GSE1: variants seen among roughly 807,000 people sequenced by gnomAD.
The protein encoded by GSE1 is Gse1 coiled-coil protein.
In GSE1, 32 loss-of-function variants were observed where a neutral mutation model predicts 112.6. The observed-to-expected ratio is 0.28, with a 90% CI of 0.21 to 0.38. The LOEUF (loss-of-function observed/expected upper bound fraction) is 0.38, where lower values mean the gene tolerates loss of function less well. Among genes scored for constraint, GSE1 ranks in the 10% least tolerant of loss-of-function variants. GSE1 has a pLI of 1.00. For synonymous variants in GSE1, 1,115 were observed against 735.6 expected (o/e 1.52, Z -8.35); for missense variants, 2,348 against 1,699.2 (o/e 1.38, Z -6.71).
intron 2 of GSE1, among the ~76,000 whole-genome samples, chr16:85,358,322 TGTG>T (rs1031160439): frequency 2.6e-5 from 4 of 152,204 alleles, no homozygotes; most frequent in African/African-American, 9.7e-5. Flanking sequence ...GGCTTGGACA[TGTG>T]GTGACCCCCA....
intron 2 of GSE1, among the ~76,000 whole-genome samples, chr16:85,361,911 A>C (rs757716287): frequency 2.6e-5 from 4 of 152,018 alleles, no homozygotes; most frequent in Non-Finnish European, 5.9e-5. Flanking sequence ...CTACGGTCGG[A>C]TAGGGCCACT....
intron 2 of GSE1, among the ~76,000 whole-genome samples, chr16:85,534,636 G>A (rs1378996030): frequency 6.6e-6 from 1 of 152,144 alleles, no homozygotes; most frequent in South Asian, 2.1e-4. Flanking sequence ...GCAGACTCCT[G>A]GGTCGTGTCC....
At chr16:85,214,647 A>G (rs2143688769) in intron 1 of GSE1, among the ~76,000 whole-genome samples, 1 of 152,084 alleles carries the variant, frequency 6.6e-6, no homozygotes, top group East Asian at 1.9e-4. Flanking sequence ...TTGAGACAGT[A>G]ATACCCGGGC....
intron 1 of GSE1, among the ~76,000 whole-genome samples, chr16:85,561,279 A>G (rs1412013878): frequency 6.6e-6 from 1 of 152,090 alleles, no homozygotes; most frequent in African/African-American, 2.4e-5. Context: ...TGAGGTACAG[A>G]GAGATTGAGG....
intron 14 of GSE1, 75 bp downstream of exon 14, chr16:85,668,499 A>T: frequency 2.0e-6 from 2 of 1,003,566 alleles, no homozygotes; most frequent in Non-Finnish European, 1.5e-6. Context: ...TGATGAGTTC[A>T]TGCAGACCTC....
At chr16:85,649,495 T>C (rs1193078173) in intron 3 of GSE1, among the ~76,000 whole-genome samples, 1 of 152,230 alleles carries the variant, frequency 6.6e-6, no homozygotes, top group Non-Finnish European at 1.5e-5. Flanking sequence ...CCCCAAGTTT[T>C]CGGGGCTCCT....
intron 1 of GSE1, chr16:85,593,941 C>G (rs1016397128): frequency 6.6e-6 from 1 of 151,470 alleles, no homozygotes; most frequent in Non-Finnish European, 1.5e-5. Context: ...TGGAGGGGCT[C>G]GGAAGCAGTG....
At chr16:85,641,569 C>T (rs950165721) in intron 2 of GSE1, among the ~76,000 whole-genome samples, 4 of 152,268 alleles carry the variant, frequency 2.6e-5, no homozygotes, top group Non-Finnish European at 4.4e-5. Flanking sequence ...GGGGTCGCGG[C>T]GTGACTTCAG....
chr16:85,660,064 ACTGCCCTGTGAAGGTGGCCAGC>A (rs1295881536), intron 8 of GSE1, among the ~76,000 whole-genome samples: 1 of 152,206 alleles, frequency 6.6e-6, no homozygotes, highest in Non-Finnish European at 1.5e-5. Context: ...AGGGAGGAGT[ACTGCCCTGTGAAGGTGGCCAGC>A]CTGCCCTGTG....
intron 2 of GSE1, among the ~76,000 whole-genome samples, chr16:85,444,438 C>T (rs1460781135): frequency 6.6e-6 from 1 of 152,158 alleles, no homozygotes; most frequent in Non-Finnish European, 1.5e-5. Context: ...TGAGTTCGCA[C>T]TGCAGGAGGC....
Position 85,672,848 on chromosome 16 carries a change from C to T in GSE1, c.*309C>T, listed in dbSNP as rs1298408149. The T allele has an allele frequency of 5.0e-6, 1 of 201,606 alleles. No homozygotes were observed. Among genetic ancestry groups the T allele is most frequent in the Non-Finnish European group, 1.0e-5 (1 of 98,580 alleles). 12.5% of individuals were successfully genotyped at this position (201,606 alleles called of 1,614,324 possible). A position where few individuals can be genotyped will look rare whatever the true frequency, so the allele number is the denominator to read the frequency against. On this transcript the variant is annotated 3_prime_UTR_variant, in exon 16 of 16. Coordinates refer to ENST00000253458, the MANE Select transcript of GSE1 (RefSeq NM_014615.5). ...CTGAACATGAAGGCTCCATTAGCAA[C>T]ACTAAAACTTGATCATTAACAGCCC...
At chr16:85,653,826 G>T (rs554879331) in intron 3 of GSE1, among the ~76,000 whole-genome samples, 1 of 152,198 alleles carries the variant, frequency 6.6e-6, no homozygotes, top group Non-Finnish European at 1.5e-5. Flanking sequence ...AGCTGTCGGC[G>T]CAGTTGACGT....
chr16:85,387,364 C>T (rs1226581232), intron 2 of GSE1, among the ~76,000 whole-genome samples: 1 of 152,214 alleles, frequency 6.6e-6, no homozygotes, highest in Non-Finnish European at 1.5e-5. Context: ...CCTCCTAGCC[C>T]CCCTCCTCAA....
intron 1 of GSE1, among the ~76,000 whole-genome samples, chr16:85,293,549 C>CA (rs79504988): frequency 2.8e-4 from 42 of 151,736 alleles, no homozygotes; most frequent in African/African-American, 8.7e-4. Flanking sequence ...GATTCCATTT[C>CA]AAAAAAAAAT....
rs372466069 is a variant in GSE1, at chr16:85,652,915, G to A, written c.427-1363G>A. On this transcript the variant is annotated intron_variant, in intron 3 of 15. Transcript: ENST00000253458. The stretch of plus-strand genomic sequence containing the variant: ...CTGGTGCTCTTCAGGAGCACTGCCC[G>A]CTGATCAGCAGTCGTTACCTGACAT... Among the ~76,000 whole-genome samples, 5 of 151,994 alleles carry A rather than the reference G, an allele frequency of 3.3e-5. No individual in the cohort carries two copies. In the East Asian group the frequency reaches 7.9e-4, roughly 24 times the overall value.
intron 1 of GSE1, among the ~76,000 whole-genome samples, chr16:85,565,257 T>C (rs2045691927): frequency 6.6e-6 from 1 of 151,888 alleles, no homozygotes; most frequent in Non-Finnish European, 1.5e-5. Context: ...CCGGGCATGG[T>C]GGTGCGTGCC....
At chr16:85,528,281 G>T (rs547967159) in intron 2 of GSE1, among the ~76,000 whole-genome samples, 1 of 152,134 alleles carries the variant, frequency 6.6e-6, no homozygotes, top group Non-Finnish European at 1.5e-5. Context: ...AGTAAGGATT[G>T]GGGGAGCAGG....
intron 1 of GSE1, among the ~76,000 whole-genome samples, chr16:85,284,015 G>C (rs1018140520): frequency 6.6e-6 from 1 of 152,170 alleles, no homozygotes; most frequent in Non-Finnish European, 1.5e-5. Flanking sequence ...TGGGGGCGGG[G>C]AGGGAGGCAG....
At chr16:85,203,593 C>T (rs2143579350) in intron 1 of GSE1, among the ~76,000 whole-genome samples, 1 of 152,294 alleles carries the variant, frequency 6.6e-6, no homozygotes, top group Middle Eastern at 3.4e-3. Context: ...AGAGTCACCC[C>T]ACTCTACAGA....
Sources: allele counts gnomAD v4.1 joint callset (sites outside exome capture counted in the v4.1 genomes callset), GRCh38; gene constraint gnomAD v4.1.1; transcripts MANE v1.5; gene names NCBI Gene and HGNC (gene_info 2026-07-23, HGNC 2026-07-21).